SLC27A2: variants seen among roughly 807,000 people sequenced by gnomAD.
SLC27A2 encodes the protein solute carrier family 27 member 2, also known as long-chain fatty acid transport protein 2.
Under a neutral mutation model 60.0 loss-of-function variants are expected in SLC27A2, and 54 were observed. The ratio of observed to expected loss-of-function variants is 0.90; its 90% CI spans 0.72 to 1.13. The LOEUF (loss-of-function observed/expected upper bound fraction) is 1.13. Among genes scored for constraint, SLC27A2 ranks in the 50% most tolerant of loss-of-function variants. The probability of loss-of-function intolerance (pLI) is 0.00; values close to 1 mark genes in which losing one functional copy is unlikely to be tolerated. For missense variants in SLC27A2, 739 were observed against 777.6 expected, an observed-to-expected ratio of 0.95 and a Z score of 0.59; for synonymous variants, 297 against 297.6, an observed-to-expected ratio of 1.00 and a Z score of 0.02.
intron 4 of SLC27A2, among the ~76,000 whole-genome samples, chr15:50,216,953 G>A (rs993170280): frequency 4.0e-5 from 6 of 150,780 alleles, no homozygotes; most frequent in African/African-American, 1.5e-4. Context: ...GCAGTGACCT[G>A]GATGAGACTG....
At chr15:50,203,304 C>T (rs2045080931) in intron 3 of SLC27A2, among the ~76,000 whole-genome samples, 1 of 152,126 alleles carries the variant, frequency 6.6e-6, no homozygotes, top group Non-Finnish European at 1.5e-5. Context: ...CAGTTGTGTG[C>T]ACTCTTCTGT....
At chr15:50,229,512 CGTT>C (rs2045301533) in intron 8 of SLC27A2, among the ~76,000 whole-genome samples, 1 of 152,050 alleles carries the variant, frequency 6.6e-6, no homozygotes, top group African/African-American at 2.4e-5. Context: ...CACACAAGAA[CGTT>C]GTCACCGCAG....
intron 3 of SLC27A2, among the ~76,000 whole-genome samples, chr15:50,204,002 T>C (rs1044296469): frequency 6.6e-6 from 1 of 152,064 alleles, no homozygotes; most frequent in Non-Finnish European, 1.5e-5. Context: ...TATTTTGTTA[T>C]AGCAGCTCAA....
chr15:50,199,427 G>A (rs1353591726), intron 2 of SLC27A2, among the ~76,000 whole-genome samples: 2 of 147,456 alleles, frequency 1.4e-5, no homozygotes, highest in Admixed American at 6.9e-5. Context: ...GCAGTGAGCC[G>A]AGATTGCGCC....
chr15:50,183,362 G>A (rs2140891654), intron 1 of SLC27A2, among the ~76,000 whole-genome samples: 2 of 152,230 alleles, frequency 1.3e-5, no homozygotes, highest in South Asian at 4.2e-4. Flanking sequence ...TGTGATCATG[G>A]GAAAGTCACT....
chr15:50,220,565 T>C (rs2045235124), intron 4 of SLC27A2, among the ~76,000 whole-genome samples: 1 of 152,192 alleles, frequency 6.6e-6, no homozygotes, highest in Non-Finnish European at 1.5e-5. Flanking sequence ...GAGCTTCCAT[T>C]GCAAGCCTGG....
At chr15:50,232,635 C>T (rs527683807) in intron 8 of SLC27A2, among the ~76,000 whole-genome samples, 14 of 151,970 alleles carry the variant, frequency 9.2e-5, no homozygotes, top group African/African-American at 3.1e-4. Context: ...GGTCCAGCGT[C>T]GCTACTACCA....
chr15:50,182,317 G>C lies in SLC27A2; in HGVS notation c.-111G>C. ...TCTCACGCGAGCCCGGCGTCCCGCC[G>C]CGTGCGCCCCGGCGCAGCCCGCCAG... On this transcript the variant is annotated 5_prime_UTR_variant, in exon 1 of 10. Coordinates refer to ENST00000267842, the MANE Select transcript of SLC27A2 (RefSeq NM_003645.4). The C allele has an allele frequency of 7.5e-7, 1 of 1,327,178 alleles. No homozygotes were observed. Among genetic ancestry groups the C allele is most frequent in the Non-Finnish European group, 9.6e-7 (1 of 1,040,776 alleles). 82.2% of individuals were successfully genotyped at this position (1,327,178 alleles called of 1,614,324 possible). A position where few individuals can be genotyped will look rare whatever the true frequency, so the allele number is the denominator to read the frequency against.
chr15:50,231,041 T>C (rs190138209), intron 8 of SLC27A2, among the ~76,000 whole-genome samples: 42 of 152,188 alleles, frequency 2.8e-4, no homozygotes, highest in African/African-American at 7.7e-4. Context: ...CTTAAAAACA[T>C]TGGAAGTCTG....
chr15:50,202,111 A>G (rs761355576), intron 2 of SLC27A2, among the ~76,000 whole-genome samples: 4 of 152,206 alleles, frequency 2.6e-5, no homozygotes, highest in Non-Finnish European at 5.9e-5. Context: ...TCTTCAGATT[A>G]CTACTGTCAT....
At chr15:50,212,023 A>G (rs1426013698) in intron 4 of SLC27A2, among the ~76,000 whole-genome samples, 1 of 146,706 alleles carries the variant, frequency 6.8e-6, no homozygotes, top group Non-Finnish European at 1.5e-5. Flanking sequence ...GTGAGCCAAG[A>G]TCGCGCCACT....
At chr15:50,207,132 G>A (rs1017706288) in intron 4 of SLC27A2, among the ~76,000 whole-genome samples, 2 of 152,100 alleles carry the variant, frequency 1.3e-5, no homozygotes, top group Non-Finnish European at 1.5e-5. Flanking sequence ...GGGAGTGTGT[G>A]TTGTTTCTGT....
At chr15:50,216,407 T>G (rs1184777928) in intron 4 of SLC27A2, among the ~76,000 whole-genome samples, 1 of 151,816 alleles carries the variant, frequency 6.6e-6, no homozygotes, top group Non-Finnish European at 1.5e-5. Context: ...GGAGATTCCT[T>G]AAATAACTAA....
In SLC27A2 at chr15:50,233,981, C is replaced by T. The variant is rs150689218; in HGVS notation, c.1669C>T (p.Arg557Trp). The change falls in exon 9 of 10, where the codon CGG becomes TGG. Residue 557 changes from arginine (R) to tryptophan (W), a missense_variant. By Grantham distance (101) the Arg-to-Trp change is moderately radical (BLOSUM62 -3). Coordinates refer to ENST00000267842, the MANE Select transcript of SLC27A2 (RefSeq NM_003645.4). ...TTACCTACCTAGTTATGCAAGGCCC[C>T]GGTTTCTAAGAATACAGGTGAGATC... ...ADYLPSYARP[R>W]FLRIQDTIEI... The T allele has an allele frequency of 2.3e-5, 37 of 1,611,642 alleles. No homozygotes were observed. The highest frequency in any genetic ancestry group is 3.4e-5 in the Admixed American group (2 of 59,518).
intron 7 of SLC27A2, among the ~76,000 whole-genome samples, chr15:50,228,309 G>A (rs535507285): frequency 2.0e-5 from 3 of 148,218 alleles, no homozygotes; most frequent in Non-Finnish European, 3.0e-5. Flanking sequence ...CCTGGGAGAC[G>A]GAGGTTGCAG....
At position 50,212,026 on chromosome 15, in the gene SLC27A2, G is replaced by A. The variant is rs549376391; in HGVS notation, c.972+6663G>A. ...GCAGAGCTTGCAGTGAGCCAAGATC[G>A]CGCCACTGCACTCCAGCCTGGGAGA... On this transcript the variant is annotated intron_variant, in intron 4 of 9. Coordinates refer to ENST00000267842, the MANE Select transcript of SLC27A2 (RefSeq NM_003645.4). 1.2e-3 allele frequency among the ~76,000 whole-genome samples: 173 copies of A among 144,092 alleles called. 1 individual carries two copies. The highest frequency in any genetic ancestry group is 3.1e-3 in the Admixed American group (44 of 14,140). The allele number at this position is 144,092 out of a possible 152,430, so 94.5% of individuals were successfully genotyped here.
chr15:50,182,343 T>TCCGCCCGGAGC lies in SLC27A2; in HGVS notation c.-78_-68dup. The TCCGCCCGGAGC allele has an allele frequency of 2.9e-6, 4 of 1,365,594 alleles. No individual in the cohort carries two copies. Among genetic ancestry groups the TCCGCCCGGAGC allele is most frequent in the Non-Finnish European group, 1.9e-6 (2 of 1,059,960 alleles). The allele number at this position is 1,365,594 out of a possible 1,614,324, so 84.6% of individuals were successfully genotyped here. A position where few individuals can be genotyped will look rare whatever the true frequency, so the allele number is the denominator to read the frequency against. ...CGTGCGCCCCGGCGCAGCCCGCCAGTCCGCCCGGAGCCCGCCCAGTCGCCG... is the reference window on the plus strand; with the variant it reads ...CGTGCGCCCCGGCGCAGCCCGCCAGTCCGCCCGGAGCCCGCCCGGAGCCCGCCCAGTCGCCG... On this transcript the variant is annotated 5_prime_UTR_variant, in exon 1 of 10. Coordinates refer to ENST00000267842, the MANE Select transcript of SLC27A2 (RefSeq NM_003645.4).
chr15:50,217,487 G>A (rs2045207830), intron 4 of SLC27A2, among the ~76,000 whole-genome samples: 1 of 152,122 alleles, frequency 6.6e-6, no homozygotes, highest in African/African-American at 2.4e-5. Context: ...TGGAACTCCA[G>A]TAGCCAGGTT....
At chr15:50,224,169 A>G (rs1352417297) in intron 5 of SLC27A2, among the ~76,000 whole-genome samples, 1 of 152,204 alleles carries the variant, frequency 6.6e-6, no homozygotes, top group East Asian at 1.9e-4. Context: ...AGCCAGGCGC[A>G]GCGGCTCACG....
Sources: allele counts gnomAD v4.1 joint callset (sites outside exome capture counted in the v4.1 genomes callset), GRCh38; gene constraint gnomAD v4.1.1; transcripts MANE v1.5; gene names NCBI Gene and HGNC (gene_info 2026-07-23, HGNC 2026-07-21).